Variants in TICRR observed in about 807,000 individuals in gnomAD.
The protein encoded by TICRR is TOPBP1 interacting checkpoint and replication regulator.
Under a neutral mutation model 178.1 loss-of-function variants are expected in TICRR, and 132 were observed. That is an observed-to-expected ratio of 0.74 (90% confidence interval 0.64 to 0.86). The LOEUF is 0.86. Among genes scored for constraint, TICRR ranks in the 40% least tolerant of loss-of-function variants. The pLI is 0.00. For missense variants in TICRR, 2,587 were observed against 2,334.3 expected (o/e 1.11, Z -2.23); for synonymous variants, 991 against 900.7 (o/e 1.10, Z -1.79).
rs1215829078 is a variant in TICRR at position 89,627,057 on chromosome 15, C to T, written c.5704C>T (p.Leu1902Phe). Residue 1902 changes from leucine (L) to phenylalanine (F), a missense_variant, in exon 22 of 22, where the codon CTC (leucine) becomes TTC (phenylalanine). By Grantham distance (22) the Leu-to-Phe change is conservative. Coordinates refer to ENST00000268138, the MANE Select transcript of TICRR (RefSeq NM_152259.4). ...PISRTYTRKK[L>F]MGTWLEDL ...CAGCAGAACTTATACACGGAAGAAG[C>T]TCATGGGAACCTGGCTGGAGGACTT... 1.2e-6 allele frequency: 2 copies of T among 1,614,168 alleles called. No homozygotes were observed. The highest frequency in any genetic ancestry group is 1.7e-6 in the Non-Finnish European group (2 of 1,180,046).
intron 8 of TICRR, 41 bp downstream of exon 8, chr15:89,599,516 G>A (rs1963058217): frequency 1.3e-6 from 2 of 1,559,310 alleles, no homozygotes; most frequent in Non-Finnish European, 1.7e-6. Flanking sequence ...TGGATGTAGT[G>A]GTTGGTTGGT....
In TICRR at chr15:89,621,298, G is replaced by A. The variant is rs1963421409; in HGVS notation, c.3155-95G>A. The A allele has an allele frequency of 1.5e-5, 20 of 1,310,336 alleles. No homozygotes were observed. The East Asian group carries it at 4.1e-4, about 27-fold the overall frequency. 81.2% of individuals were successfully genotyped at this position (1,310,336 alleles called of 1,614,324 possible). ...GGCCTCCCAAAGTGCTGGGATTACA[G>A]GCGTGAGCCACCATGCGTGGCTGGC... is the stretch of plus-strand genomic sequence containing the variant. On this transcript the variant is annotated intron_variant, in intron 18 of 21. Transcript: ENST00000268138.
At chr15:89,618,294 C>G in intron 17 of TICRR, 84 bp downstream of exon 17, 5 of 1,261,612 alleles carry the variant, frequency 4.0e-6, no homozygotes, top group South Asian at 2.4e-5. Flanking sequence ...CTTGGCATAT[C>G]CTAAGATATT....
At chr15:89,611,723 C>T (rs7172694) in intron 15 of TICRR, among the ~76,000 whole-genome samples, 10 of 151,832 alleles carry the variant, frequency 6.6e-5, no homozygotes, top group African/African-American at 2.4e-4. Flanking sequence ...CTTATCTTCA[C>T]GTTCACTGAT....
chr15:89,624,253 C>T lies in TICRR; in HGVS notation c.3943C>T (p.Pro1315Ser), dbSNP rs753708184. The T allele has an allele frequency of 1.9e-6, 3 of 1,614,232 alleles. No homozygotes were observed. The highest frequency in any genetic ancestry group is 2.2e-5 in the East Asian group (1 of 44,894). The change falls in exon 20 of 22, where the codon CCT (proline) becomes TCT (serine). Residue 1315 changes from proline (P) to serine (S), a missense_variant. Physicochemically the swap from Pro to Ser is moderately conservative, Grantham distance 74. Coordinates refer to ENST00000268138, the MANE Select transcript of TICRR (RefSeq NM_152259.4). ...PVTPKKLFTS[P>S]LCDVSKKSPF... ...TACGCCAAAGAAACTGTTTACCTCT[C>T]CTTTATGTGATGTCTCCAAGAAGAG...
At chr15:89,604,051 C>T (rs1269692515) in intron 13 of TICRR, among the ~76,000 whole-genome samples, 2 of 151,892 alleles carry the variant, frequency 1.3e-5, no homozygotes, top group Non-Finnish European at 2.9e-5. Context: ...AAAAATAAAC[C>T]TAGCTGGAAT....
Position 89,588,433 on chromosome 15 carries a change from A to C in TICRR, c.1411+2491A>C, listed in dbSNP as rs1007955994. Among the ~76,000 whole-genome samples, 3 of 152,278 alleles carry C rather than the reference A, an allele frequency of 2.0e-5. No homozygotes were observed. The South Asian group carries it at 6.2e-4, about 32-fold the overall frequency. On this transcript the variant is annotated intron_variant, in intron 4 of 21. Coordinates refer to ENST00000268138, the MANE Select transcript of TICRR (RefSeq NM_152259.4). Reference sequence around the variant, plus strand: ...AAAGCTAGAGAGGGGTCAGGGATTCAAAAGTGTGAACAGGAAGAGATTACA... The same window carrying C: ...AAAGCTAGAGAGGGGTCAGGGATTCCAAAGTGTGAACAGGAAGAGATTACA...
intron 19 of TICRR, 49 bp from the exon 20 acceptor site, chr15:89,623,574 A>T (rs755573200): frequency 6.5e-7 from 1 of 1,537,472 alleles, no homozygotes. Flanking sequence ...CACTTCAGAG[A>T]TCATGAGTTA....
At chr15:89,591,798 A>G (rs941991847) in intron 4 of TICRR, 1 of 332,422 alleles carries the variant, frequency 3.0e-6, no homozygotes, top group Non-Finnish European at 5.4e-6. Flanking sequence ...CATTTCAGAA[A>G]TGAGAGGATT....
At chr15:89,582,337 A>AAAAG (rs1567039686) in intron 1 of TICRR, 3 of 163,806 alleles carry the variant, frequency 1.8e-5, no homozygotes, top group African/African-American at 7.2e-5. Flanking sequence ...AAAAAAAAAA[A>AAAAG]AAAGGTTATT....
At chr15:89,595,811 C>T (rs112166125) in intron 7 of TICRR, among the ~76,000 whole-genome samples, 200 bp downstream of exon 7, 4,163 of 151,914 alleles carry the variant, frequency 0.027, 183 homozygotes, top group African/African-American at 0.095. Context: ...TGTGGTGAGC[C>T]GAGATTGCAC....
chr15:89,584,708 T>C (rs1962790751), intron 3 of TICRR, among the ~76,000 whole-genome samples, 181 bp downstream of exon 3: 2 of 152,248 alleles, frequency 1.3e-5, no homozygotes, highest in South Asian at 2.1e-4. Flanking sequence ...AAATCACTTA[T>C]AAAATTGCAT....
chr15:89,606,859 C>T (rs1307188168), intron 14 of TICRR, 34 bp downstream of exon 14: 1 of 1,572,710 alleles, frequency 6.4e-7, no homozygotes, highest in Non-Finnish European at 8.7e-7. Context: ...TATTTATTCA[C>T]TAGCATGACA....
Position 89,623,817 on chromosome 15 carries a change from G to A in TICRR, c.3507G>A (p.Leu1169=). ...DSSSPGHDSP[L]DSKITPQKRH... ...CCTCACCCGGCCATGACTCACCATT[G>A]GATTCAAAAATCACTCCTCAAAAAC... The change falls in exon 20 of 22, where the codon TTG becomes TTA. Residue 1169 remains leucine, a synonymous_variant. Coordinates refer to ENST00000268138, the MANE Select transcript of TICRR (RefSeq NM_152259.4). 1 of 1,613,766 alleles carries A rather than the reference G, an allele frequency of 6.2e-7. No homozygotes were observed. The highest frequency in any genetic ancestry group is 8.5e-7 in the Non-Finnish European group (1 of 1,179,972).
Position 89,625,609 on chromosome 15 carries a change from C to T in TICRR, c.5299C>T (p.Gln1767Ter), listed in dbSNP as rs1963507654. The part of the protein sequence containing the change: ...PKAEEASSWG[Q>*]FGLSSRKRVL... The stretch of plus-strand genomic sequence containing the variant: ...GGCCGAGGAAGCCTCTTCCTGGGGA[C>T]AGTTTGGGTTGAGTTCCAGGAAGAG... The change falls in exon 20 of 22, where the codon CAG becomes TAG. Residue 1767 changes from glutamine (Q) to a stop codon, truncating the protein, a stop_gained. Transcript: ENST00000268138. LOFTEE classifies it high-confidence loss of function. The T allele has an allele frequency of 6.2e-7, 1 of 1,613,096 alleles. No homozygotes were observed. The highest frequency in any genetic ancestry group is 8.5e-7 in the Non-Finnish European group (1 of 1,179,996).
chr15:89,585,790 CTG>C lies in TICRR; in HGVS notation c.1264_1265del (p.Cys422ProfsTer6), dbSNP rs1962811691. ...CTCTCTGCCAGTGCTATGATCCTCA[CTG>C]TGTGCCGCACCAAGGAGGCTGAATT... On this transcript the variant is annotated frameshift_variant, in exon 4 of 22. Coordinates refer to ENST00000268138, the MANE Select transcript of TICRR (RefSeq NM_152259.4). LOFTEE classifies it high-confidence loss of function. 1 of 1,614,218 alleles carries C rather than the reference CTG, an allele frequency of 6.2e-7. No homozygotes were observed. The highest frequency in any genetic ancestry group is 1.1e-5 in the South Asian group (1 of 91,078).
At chr15:89,619,609 T>G in intron 17 of TICRR, 99 bp from the exon 18 acceptor site, 1 of 1,252,048 alleles carries the variant, frequency 8.0e-7, no homozygotes, top group East Asian at 2.3e-5. Flanking sequence ...TTCCATCTTA[T>G]ATGTGGTACT....
rs1963211801 is a variant in TICRR at position 89,608,861 on chromosome 15, A to T, written c.2781A>T (p.Arg927Ser). The change falls in exon 15 of 22, where the codon AGA (arginine) becomes AGT (serine). Residue 927 changes from arginine (R) to serine (S), a missense_variant. By Grantham distance (110) the Arg-to-Ser change is moderately radical. Transcript: ENST00000268138. ...FNQELLSPSK[R>S]SLKRGLPRSH... ...AGGAATTGCTTTCCCCTTCAAAGAGATCACTAAAGCGGGGGTTGCCTAGAA... is the reference window on the plus strand; with the variant it reads ...AGGAATTGCTTTCCCCTTCAAAGAGTTCACTAAAGCGGGGGTTGCCTAGAA... 6.2e-7 allele frequency: 1 copy of T among 1,610,564 alleles called. No homozygotes were observed.
intron 15 of TICRR, among the ~76,000 whole-genome samples, chr15:89,611,278 G>T (rs1963252706): frequency 6.6e-6 from 1 of 152,062 alleles, no homozygotes; most frequent in South Asian, 2.1e-4. Flanking sequence ...ATTTTTGGTT[G>T]ACAATTTTTT....
Sources: allele counts gnomAD v4.1 joint callset (sites outside exome capture counted in the v4.1 genomes callset), GRCh38; gene constraint gnomAD v4.1.1; transcripts MANE v1.5; gene names NCBI Gene and HGNC (gene_info 2026-07-23, HGNC 2026-07-21).